Variants in HCN1 observed in about 807,000 individuals in gnomAD.
HCN1 encodes potassium/sodium hyperpolarization-activated cyclic nucleotide-gated channel 1.
A neutral mutation model predicts 78.9 loss-of-function variants in HCN1; 13 were observed. The ratio of observed to expected loss-of-function variants is 0.16; its 90% confidence interval spans 0.11 to 0.26. The LOEUF (loss-of-function observed/expected upper bound fraction) is 0.26, where lower values mean the gene tolerates loss of function less well. Among genes scored for constraint, HCN1 ranks in the 10% least tolerant of loss-of-function variants. The pLI, the probability that HCN1 is intolerant of heterozygous loss-of-function variation, is 1.00. For missense variants in HCN1, 810 were observed against 1,154.3 expected, an observed-to-expected ratio of 0.70 and a Z score of 4.32; for synonymous variants, 552 against 455.5, an observed-to-expected ratio of 1.21 and a Z score of -2.70.
chr5:45,523,416 T>A (rs1323515203), intron 2 of HCN1, among the ~76,000 whole-genome samples: 1 of 152,050 alleles, frequency 6.6e-6, no homozygotes, highest in Non-Finnish European at 1.5e-5. Context: ...TAGTTCTAGA[T>A]CCCTGAGGAA....
chr5:45,666,093 G>A (rs754996037), intron 1 of HCN1, among the ~76,000 whole-genome samples: 3 of 152,034 alleles, frequency 2.0e-5, no homozygotes, highest in Non-Finnish European at 2.9e-5. Context: ...CTGAGCCACA[G>A]TCATTGTACT....
At chr5:45,584,884 T>C (rs542927957) in intron 2 of HCN1, among the ~76,000 whole-genome samples, 1 of 152,252 alleles carries the variant, frequency 6.6e-6, no homozygotes, top group Non-Finnish European at 1.5e-5. Flanking sequence ...TTATAGAGTT[T>C]CTGCCAAGAG....
At chr5:45,690,132 G>T (rs1739879157) in intron 1 of HCN1, among the ~76,000 whole-genome samples, 4 of 152,010 alleles carry the variant, frequency 2.6e-5, no homozygotes, top group Non-Finnish European at 4.4e-5. Context: ...AAAGCTGATA[G>T]TCTAAAATTT....
At chr5:45,358,416 A>T (rs1161160580) in intron 4 of HCN1, among the ~76,000 whole-genome samples, 1 of 152,064 alleles carries the variant, frequency 6.6e-6, no homozygotes, top group African/African-American at 2.4e-5. Flanking sequence ...AATCCTTAAG[A>T]CATCACCAAA....
At chr5:45,289,267 T>C (rs1447792086) in intron 6 of HCN1, among the ~76,000 whole-genome samples, 1 of 152,060 alleles carries the variant, frequency 6.6e-6, no homozygotes, top group Non-Finnish European at 1.5e-5. Flanking sequence ...AGAAAGATGG[T>C]ATTACTTCAC....
At position 45,493,908 on chromosome 5, in the gene HCN1, T is replaced by C. The variant is rs539012723; in HGVS notation, c.850-31901A>G. 8.4e-3 allele frequency among the ~76,000 whole-genome samples: 1,280 copies of C among 152,154 alleles called. 23 individuals carry two copies. Among genetic ancestry groups the C allele is most frequent in the African/African-American group, 0.03 (1,250 of 41,446 alleles). On this transcript the variant is annotated intron_variant, in intron 2 of 7. Coordinates refer to ENST00000303230, the MANE Select transcript of HCN1 (RefSeq NM_021072.4). ...GAATGATGATTTCCAATTTCATCCATGTCCCTACAAAGGACATGAACTCAT... is the reference window on the plus strand; with the variant it reads ...GAATGATGATTTCCAATTTCATCCACGTCCCTACAAAGGACATGAACTCAT...
At chr5:45,611,873 G>A (rs925182524) in intron 2 of HCN1, among the ~76,000 whole-genome samples, 2 of 151,892 alleles carry the variant, frequency 1.3e-5, no homozygotes, top group African/African-American at 4.8e-5. Flanking sequence ...TCTTAATATA[G>A]AGCAGAGAAT....
chr5:45,274,964 CA>C (rs2111858575), intron 6 of HCN1, among the ~76,000 whole-genome samples: 1 of 152,264 alleles, frequency 6.6e-6, no homozygotes, highest in Admixed American at 6.5e-5. Context: ...ACTTACCAAA[CA>C]TTGTCATATA....
chr5:45,272,708 T>C (rs1744982766), intron 6 of HCN1, among the ~76,000 whole-genome samples: 2 of 152,086 alleles, frequency 1.3e-5, no homozygotes, highest in South Asian at 4.1e-4. Context: ...CTCTGAGGTT[T>C]TGTGCAATGT....
chr5:45,280,738 T>C (rs1168701850), intron 6 of HCN1, among the ~76,000 whole-genome samples: 1 of 152,226 alleles, frequency 6.6e-6, no homozygotes, highest in Non-Finnish European at 1.5e-5. Context: ...CTTAAAATTA[T>C]GTTTTAGATA....
intron 2 of HCN1, among the ~76,000 whole-genome samples, chr5:45,479,758 C>T (rs1400393409): frequency 6.6e-6 from 1 of 152,130 alleles, no homozygotes; most frequent in Admixed American, 6.6e-5. Context: ...CACAGCTTAA[C>T]CCATTGGAAA....
intron 2 of HCN1, among the ~76,000 whole-genome samples, chr5:45,600,207 A>G (rs1744594418): frequency 6.6e-6 from 1 of 152,026 alleles, no homozygotes; most frequent in Admixed American, 6.6e-5. Context: ...GCACACACAC[A>G]TGCACTTTAT....
chr5:45,428,411 A>T (rs929721025), intron 3 of HCN1, among the ~76,000 whole-genome samples: 1 of 151,982 alleles, frequency 6.6e-6, no homozygotes, highest in Non-Finnish European at 1.5e-5. Flanking sequence ...CTTTATCATT[A>T]ACTTGCTTTT....
intron 3 of HCN1, 62 bp downstream of exon 3, chr5:45,461,784 T>C: frequency 1.5e-6 from 2 of 1,362,266 alleles, no homozygotes; most frequent in Admixed American, 1.7e-5. Context: ...GTAACATAAT[T>C]ACTTAAAAGG....
At chr5:45,426,293 G>T (rs556905798) in intron 3 of HCN1, among the ~76,000 whole-genome samples, 15 of 152,146 alleles carry the variant, frequency 9.9e-5, no homozygotes, top group Non-Finnish European at 1.9e-4. Flanking sequence ...TGAATGGTTA[G>T]TCATGGAAAT....
rs183645841 is a variant in HCN1 at position 45,371,768 on chromosome 5, T to A, written c.1231-18522A>T. Among the ~76,000 whole-genome samples, 712 of 140,350 alleles carry A rather than the reference T, an allele frequency of 5.1e-3. 2 individuals are homozygous for A. The highest frequency in any genetic ancestry group is 0.018 in the East Asian group (86 of 4,892). 92.1% of individuals were successfully genotyped at this position (140,350 alleles called of 152,430 possible). ...AGAGACTCCATCTCAAAAAAAAAAATATATATATATATGTACACACACACA... is the reference window on the plus strand; with the variant it reads ...AGAGACTCCATCTCAAAAAAAAAAAAATATATATATATGTACACACACACA... On this transcript the variant is annotated intron_variant, in intron 4 of 7. Transcript: ENST00000303230.
chr5:45,534,668 C>CAA (rs143602337), intron 2 of HCN1, among the ~76,000 whole-genome samples: 5 of 145,388 alleles, frequency 3.4e-5, no homozygotes, highest in Non-Finnish European at 3.0e-5. Context: ...GATTCTAAGC[C>CAA]AAAAAAAAAA....
chr5:45,383,826 A>G (rs1440117382), intron 4 of HCN1, among the ~76,000 whole-genome samples: 1 of 152,090 alleles, frequency 6.6e-6, no homozygotes, highest in Non-Finnish European at 1.5e-5. Flanking sequence ...TTTTTCCACA[A>G]TATTTTAATA....
intron 2 of HCN1, among the ~76,000 whole-genome samples, chr5:45,502,929 T>C (rs975782735): frequency 6.6e-6 from 1 of 152,228 alleles, no homozygotes; most frequent in Non-Finnish European, 1.5e-5. Context: ...TATATTACAG[T>C]ATTGTTTATA....
Sources: allele counts gnomAD v4.1 joint callset (sites outside exome capture counted in the v4.1 genomes callset), GRCh38; gene constraint gnomAD v4.1.1; transcripts MANE v1.5; gene names NCBI Gene and HGNC (gene_info 2026-07-23, HGNC 2026-07-21).